Variants in LYRM4 observed in about 807,000 individuals in gnomAD.
LYRM4 encodes LYR motif containing 4.
LYRM4 carries 9 observed loss-of-function variants against 11.7 expected under a neutral mutation model. The ratio of observed to expected loss-of-function variants is 0.77; its 90% CI spans 0.46 to 1.34. The LOEUF (loss-of-function observed/expected upper bound fraction) is 1.34. Among genes scored for constraint, LYRM4 ranks in the 40% most tolerant of loss-of-function variants. The pLI is 0.00. For synonymous variants in LYRM4, 42 were observed against 40.4 expected (o/e 1.04, Z -0.15); for missense variants, 133 against 112.5 (o/e 1.18, Z -0.82).
chr6:5,238,657 T>G (rs945826194), intron 1 of LYRM4, among the ~76,000 whole-genome samples: 12 of 152,228 alleles, frequency 7.9e-5, no homozygotes, highest in Non-Finnish European at 1.5e-4. Context: ...AATACAGATC[T>G]GTGAAGAACA....
chr6:5,176,719 G>A (rs1759742922), intron 2 of LYRM4, among the ~76,000 whole-genome samples: 1 of 152,272 alleles, frequency 6.6e-6, no homozygotes, highest in East Asian at 1.9e-4. Context: ...ATGAAGTTTC[G>A]GTCTTCATCT....
chr6:5,074,866 A>T, the LYRM4 span, among the ~76,000 whole-genome samples: 1 of 152,062 alleles, frequency 6.6e-6, no homozygotes, highest in Admixed American at 6.5e-5. Context: ...TCCCTGCTAA[A>T]TCTCCTGTTG....
the LYRM4 span, among the ~76,000 whole-genome samples, chr6:5,041,937 G>A: frequency 2.6e-5 from 4 of 152,310 alleles, no homozygotes; most frequent in Admixed American, 2.0e-4. Context: ...GCCACACAAT[G>A]ATTTAAGGTA....
At chr6:5,259,629 G>A (rs1330576983) in intron 1 of LYRM4, among the ~76,000 whole-genome samples, 1 of 152,178 alleles carries the variant, frequency 6.6e-6, no homozygotes, top group Non-Finnish European at 1.5e-5. Flanking sequence ...TGCTGGAGGG[G>A]GGCCTACCTA....
intron 2 of LYRM4, among the ~76,000 whole-genome samples, chr6:5,151,248 T>C (rs1758072278): frequency 6.6e-6 from 1 of 152,130 alleles, no homozygotes; most frequent in Non-Finnish European, 1.5e-5. Flanking sequence ...CATGCCCAGC[T>C]AATTTTTTGT....
chr6:5,174,318 C>T (rs1220870237), intron 2 of LYRM4, among the ~76,000 whole-genome samples: 1 of 152,018 alleles, frequency 6.6e-6, no homozygotes, highest in African/African-American at 2.4e-5. Flanking sequence ...CTAATTTTAC[C>T]CCTACAGGGC....
chr6:5,250,609 T>C (rs536829868), intron 1 of LYRM4, among the ~76,000 whole-genome samples: 1 of 152,332 alleles, frequency 6.6e-6, no homozygotes, highest in South Asian at 2.1e-4. Flanking sequence ...TAGGCACACA[T>C]GAATCACCTC....
the LYRM4 span, chr6:5,086,036 C>A: frequency 3.0e-5 from 44 of 1,488,208 alleles, no homozygotes; most frequent in Non-Finnish European, 3.8e-5. Flanking sequence ...CTGGCCGCGG[C>A]GGCAGTGGCC....
chr6:5,129,429 T>A (rs1763844032), intron 2 of LYRM4, among the ~76,000 whole-genome samples: 1 of 152,186 alleles, frequency 6.6e-6, no homozygotes, highest in Non-Finnish European at 1.5e-5. Flanking sequence ...CCTTGTCTTT[T>A]CCAGCTTGTA....
intron 1 of LYRM4, among the ~76,000 whole-genome samples, chr6:5,230,376 C>T (rs952600690): frequency 6.6e-6 from 1 of 152,172 alleles, no homozygotes; most frequent in African/African-American, 2.4e-5. Flanking sequence ...ACAGTATAGT[C>T]CCCATGTATA....
intron 2 of LYRM4, chr6:5,144,206 C>T (rs1435847105): frequency 2.0e-6 from 3 of 1,536,946 alleles, no homozygotes; most frequent in East Asian, 2.4e-5. Flanking sequence ...AGGGCTTCCC[C>T]AGGCTCCGGC....
intron 2 of LYRM4, among the ~76,000 whole-genome samples, chr6:5,134,774 T>G (rs889546725): frequency 6.6e-6 from 1 of 152,206 alleles, no homozygotes; most frequent in Admixed American, 6.5e-5. Flanking sequence ...TAATAACAGG[T>G]TAAACAGCAA....
At chr6:5,037,942 C>A in the LYRM4 span, among the ~76,000 whole-genome samples, 1 of 54,926 alleles carries the variant, frequency 1.8e-5, no homozygotes, top group Non-Finnish European at 4.3e-5. Context: ...GGGCGGGGGG[C>A]TGACCGCCCC....
the LYRM4 span, among the ~76,000 whole-genome samples, chr6:5,038,883 GGAGAGAGAGGGA>G: frequency 3.7e-4 from 3 of 8,128 alleles, 1 homozygote; most frequent in Admixed American, 2.0e-3. Context: ...GACCGTGGAG[GGAGAGAGAGGGA>G]GAGGGAGAGG....
chr6:5,063,712 G>A, the LYRM4 span, among the ~76,000 whole-genome samples: 30 of 152,296 alleles, frequency 2.0e-4, no homozygotes, highest in African/African-American at 7.0e-4. Context: ...GGGTGCCACC[G>A]TGGACCACAG....
intron 2 of LYRM4, among the ~76,000 whole-genome samples, chr6:5,143,588 G>A (rs950778897): frequency 1.3e-5 from 2 of 152,180 alleles, no homozygotes; most frequent in East Asian, 3.9e-4. Context: ...AAAAAAGCCA[G>A]GAGGAAGAAA....
chr6:5,040,658 T>C, the LYRM4 span, among the ~76,000 whole-genome samples: 2 of 152,200 alleles, frequency 1.3e-5, no homozygotes, highest in Non-Finnish European at 2.9e-5. Context: ...TTTGAATGTT[T>C]TCAGCATAAA....
At position 5,227,100 on chromosome 6, in the gene LYRM4, AT is replaced by A. The variant is rs1762937871; in HGVS notation, c.87-10363del. Among the ~76,000 whole-genome samples, 4 of 152,222 alleles carry A rather than the reference AT, an allele frequency of 2.6e-5. No homozygotes were observed. In the South Asian group the frequency reaches 8.3e-4, roughly 32 times the overall value. On this transcript the variant is annotated intron_variant, in intron 1 of 2. Transcript: ENST00000330636. ...CTATGAGTATATTTTTAGACCGTTT[AT>A]TTTGAGGCAACAATGGGACAAGGTA... is the stretch of plus-strand genomic sequence containing the variant.
chr6:5,086,428 G>T, the LYRM4 span: 3 of 1,536,516 alleles, frequency 2.0e-6, no homozygotes, highest in East Asian at 4.9e-5. Flanking sequence ...GCCTGAGGAC[G>T]AAGAGGACGC....
Sources: allele counts gnomAD v4.1 joint callset (sites outside exome capture counted in the v4.1 genomes callset), GRCh38; gene constraint gnomAD v4.1.1; transcripts MANE v1.5; gene names NCBI Gene and HGNC (gene_info 2026-07-23, HGNC 2026-07-21).